The following ARHGAP20 variants were observed in gnomAD, a reference collection of about 807,000 sequenced individuals.
The protein encoded by ARHGAP20 is rho GTPase-activating protein 20.
In ARHGAP20, 34 loss-of-function variants were observed where a neutral mutation model predicts 73.7. That is an observed-to-expected ratio of 0.46 (90% CI 0.35 to 0.61). The LOEUF (loss-of-function observed/expected upper bound fraction) is 0.61. ARHGAP20 is among the 20% of genes least tolerant of loss of function. ARHGAP20 has a pLI of 0.00. For synonymous variants in ARHGAP20, 523 were observed against 518.2 expected (o/e 1.01, Z -0.13); for missense variants, 1,314 against 1,420.9 (o/e 0.92, Z 1.21).
chr11:110,606,575 G>T lies in ARHGAP20; in HGVS notation c.950C>A (p.Ala317Asp). 6.2e-7 allele frequency: 1 copy of T among 1,610,092 alleles called. No individual in the cohort carries two copies. The highest frequency in any genetic ancestry group is 8.5e-7 in the Non-Finnish European group (1 of 1,178,706). Residue 317 changes from alanine to aspartate, a missense_variant, in exon 9 of 15, where the codon GCC becomes GAC. Ala to Asp is a moderately radical substitution (Grantham distance 126, BLOSUM62 -2). Coordinates refer to ENST00000683387, the MANE Select transcript of ARHGAP20 (RefSeq NM_001384657.1). The stretch of plus-strand genomic sequence containing the variant: ...AAGCAACTCACCACTCAGTTGCTGG[G>T]CTGCAGCCAGGCGGCTGGGCTTCAG... ...FILKPSRLAA[A>D]QQLSDSGHKT...
At position 110,690,578 on chromosome 11, in the gene ARHGAP20, C is replaced by T. The variant is rs1383408605; in HGVS notation, c.157G>A (p.Asp53Asn). The T allele has an allele frequency of 6.2e-7, 1 of 1,613,878 alleles. No homozygotes were observed. The highest frequency in any genetic ancestry group is 8.5e-7 in the Non-Finnish European group (1 of 1,179,962). The change falls in exon 2 of 15, where the codon GAT becomes AAT. Residue 53 changes from aspartate (D) to asparagine (N), a missense_variant. Asp to Asn is a conservative substitution (Grantham distance 23, BLOSUM62 1). Coordinates refer to ENST00000683387, the MANE Select transcript of ARHGAP20 (RefSeq NM_001384657.1). ...RRRSAPSLIL[D>N]KALQKRPTTR... The stretch of plus-strand genomic sequence containing the variant: ...GTAGGCCGTTTTTGTAGGGCTTTAT[C>T]CAGGATAAGAGATGGAGCGCTCCTC...
rs778105716 is a variant in ARHGAP20 at position 110,614,630 on chromosome 11, C to G, written c.561G>C (p.Glu187Asp). The change falls in exon 6 of 15, where the codon GAG (glutamate) becomes GAC (aspartate). Residue 187 changes from glutamate to aspartate, a missense_variant. Physicochemically the swap from Glu to Asp is conservative, Grantham distance 45. This residue lies in a region of ARHGAP20 where 443 missense variants were observed against 466.4 expected (regional missense o/e 0.95). Coordinates refer to ENST00000683387, the MANE Select transcript of ARHGAP20 (RefSeq NM_001384657.1). ...LSLLQRYINLEKEKDYPKSIP... is the reference protein window; with the variant it reads ...LSLLQRYINLDKEKDYPKSIP... Reference sequence around the variant, plus strand: ...TGCTCTTCGGGTAGTCCTTTTCTTTCTCTAGATTGATGTATCTAATCAAAT... The same window carrying G: ...TGCTCTTCGGGTAGTCCTTTTCTTTGTCTAGATTGATGTATCTAATCAAAT... 1.2e-6 allele frequency: 2 copies of G among 1,611,868 alleles called. No homozygotes were observed. Among genetic ancestry groups the G allele is most frequent in the Admixed American group, 1.7e-5 (1 of 59,566 alleles).
At position 110,675,154 on chromosome 11, in the gene ARHGAP20, GC is replaced by G. The variant is rs370727272; in HGVS notation, c.188+15392del. Among the ~76,000 whole-genome samples the G allele has an allele frequency of 2.2e-3, 336 of 152,202 alleles. 1 individual carries two copies. The highest frequency in any genetic ancestry group is 5.2e-3 in the Admixed American group (79 of 15,290). On this transcript the variant is annotated intron_variant, in intron 2 of 14. Transcript: ENST00000683387. ...CAACTGTCTTCTAAATGGTCTACCT[GC>G]CTTGTCTGTCTTCCAATCAGTTATT...
Position 110,584,332 on chromosome 11 carries a change from T to TA in ARHGAP20, c.1416-596dup, listed in dbSNP as rs543714438. Among the ~76,000 whole-genome samples the TA allele has an allele frequency of 2.2e-3, 337 of 152,036 alleles. 2 individuals carry two copies. The highest frequency in any genetic ancestry group is 4.9e-3 in the Admixed American group (74 of 15,240). The stretch of plus-strand genomic sequence containing the variant: ...TAGATTTTCTGCTGTTCTCATGTTG[T>TA]AATTGATAAGGGATTTGTAAATGAT... On this transcript the variant is annotated intron_variant, in intron 12 of 14. Transcript: ENST00000683387.
Position 110,712,372 on chromosome 11 carries a change from C to A in ARHGAP20, c.-141G>T. On this transcript the variant is annotated 5_prime_UTR_variant, in exon 1 of 15. Coordinates refer to ENST00000683387, the MANE Select transcript of ARHGAP20 (RefSeq NM_001384657.1). ...AGGGAGCCGAGCTCCGGGTGCTCGC[C>A]GCGCGCCTCCCGTCGGGGCCATGTA... is the stretch of plus-strand genomic sequence containing the variant. The A allele has an allele frequency of 1.8e-6, 1 of 557,060 alleles. No homozygotes were observed. The highest frequency in any genetic ancestry group is 2.7e-6 in the Non-Finnish European group (1 of 370,314). The allele number at this position is 557,060 out of a possible 1,614,324, so 34.5% of individuals were successfully genotyped here.
chr11:110,635,943 T>TG (rs935623846), intron 2 of ARHGAP20, among the ~76,000 whole-genome samples: 1 of 152,044 alleles, frequency 6.6e-6, no homozygotes, highest in African/African-American at 2.4e-5. Flanking sequence ...AAGCAATGAA[T>TG]GGGGGAAAGA....
intron 3 of ARHGAP20, among the ~76,000 whole-genome samples, chr11:110,627,995 T>C (rs10082644): frequency 0.16 from 24,508 of 152,172 alleles, 3,193 homozygotes; most frequent in African/African-American, 0.36. Flanking sequence ...TCAGCAAACA[T>C]TGTCGGCATC....
intron 8 of ARHGAP20, 105 bp from the exon 9 acceptor site, chr11:110,606,854 A>G: frequency 1.0e-6 from 1 of 987,192 alleles, no homozygotes; most frequent in Non-Finnish European, 1.4e-6. Context: ...GACTTTTGGC[A>G]TAAAGAATCC....
At position 110,712,334 on chromosome 11, in the gene ARHGAP20, G is replaced by C; in HGVS notation, c.-103C>G. 1.0e-6 allele frequency: 1 copy of C among 990,864 alleles called. No individual in the cohort carries two copies. The highest frequency in any genetic ancestry group is 1.3e-6 in the Non-Finnish European group (1 of 756,400). 61.4% of individuals were successfully genotyped at this position (990,864 alleles called of 1,614,324 possible). On this transcript the variant is annotated 5_prime_UTR_variant, in exon 1 of 15. Transcript: ENST00000683387. ...AGGACGCGCGGGCGGAGGCGCGGCT[G>C]CCGTGCTCAGGCAGGGAGCCGAGCT...
chr11:110,690,927 G>A (rs1400890159), intron 1 of ARHGAP20: 2 of 1,343,922 alleles, frequency 1.5e-6, no homozygotes, highest in Non-Finnish European at 2.0e-6. Flanking sequence ...ATTATTACTG[G>A]TTATCATGTG....
At chr11:110,617,144 T>G (rs923700147) in intron 4 of ARHGAP20, among the ~76,000 whole-genome samples, 1 of 152,232 alleles carries the variant, frequency 6.6e-6, no homozygotes, top group African/African-American at 2.4e-5. Context: ...TTTATATAAA[T>G]GTAACCATAA....
intron 2 of ARHGAP20, among the ~76,000 whole-genome samples, chr11:110,681,881 T>C (rs754139882): frequency 1.3e-5 from 2 of 152,164 alleles, no homozygotes; most frequent in Non-Finnish European, 2.9e-5. Context: ...GTACCTAATC[T>C]TGACTCACAG....
chr11:110,657,946 G>A (rs956680927), intron 2 of ARHGAP20, among the ~76,000 whole-genome samples: 1 of 142,664 alleles, frequency 7.0e-6, no homozygotes, highest in Non-Finnish European at 1.5e-5. Flanking sequence ...AAGGAAGGAA[G>A]GAAGGAAGGA....
chr11:110,711,695 G>A, intron 1 of ARHGAP20: 3 of 1,446,644 alleles, frequency 2.1e-6, no homozygotes, highest in East Asian at 2.9e-5. Flanking sequence ...GGCAGACATC[G>A]CCGGCCCTGA....
chr11:110,637,218 T>A (rs1948986681), intron 2 of ARHGAP20, among the ~76,000 whole-genome samples: 1 of 152,072 alleles, frequency 6.6e-6, no homozygotes, highest in Non-Finnish European at 1.5e-5. Flanking sequence ...TGTTGCTTAA[T>A]CATAAATTAC....
chr11:110,616,112 T>C (rs978046994), intron 4 of ARHGAP20, among the ~76,000 whole-genome samples: 6 of 151,716 alleles, frequency 4.0e-5, no homozygotes, highest in African/African-American at 1.5e-4. Context: ...TGAATGGAAA[T>C]CTCTTTGCCC....
chr11:110,613,723 T>C (rs777698160), intron 6 of ARHGAP20, among the ~76,000 whole-genome samples: 5 of 152,088 alleles, frequency 3.3e-5, no homozygotes, highest in Admixed American at 6.6e-5. Context: ...AATTTGAGTA[T>C]TTCCCTCAAG....
intron 1 of ARHGAP20, among the ~76,000 whole-genome samples, chr11:110,694,623 C>A (rs567226930): frequency 2.6e-5 from 4 of 151,776 alleles, no homozygotes; most frequent in Middle Eastern, 3.4e-3. Context: ...ATTACATATT[C>A]AACTCTGTGT....
chr11:110,648,252 TAAATATATATATG>T (rs1949266545), intron 2 of ARHGAP20, among the ~76,000 whole-genome samples: 1 of 83,072 alleles, frequency 1.2e-5, no homozygotes, highest in African/African-American at 4.6e-5. Flanking sequence ...TATATATATG[TAAATATATATATG>T]TAAATATATA....
Sources: allele counts gnomAD v4.1 joint callset (sites outside exome capture counted in the v4.1 genomes callset), GRCh38; gene constraint gnomAD v4.1.1; regional missense constraint gnomAD v4.1.1; transcripts MANE v1.5; gene names NCBI Gene and HGNC (gene_info 2026-07-23, HGNC 2026-07-21).